The following LRMDA variants were observed in gnomAD, a reference collection of about 807,000 sequenced individuals.
LRMDA encodes the protein leucine rich melanocyte differentiation associated, also known as leucine-rich melanocyte differentiation-associated protein.
A neutral mutation model predicts 29.8 loss-of-function variants in LRMDA; 18 were observed. That is an observed-to-expected ratio of 0.60 (90% CI 0.42 to 0.90). LRMDA has a LOEUF of 0.90. Ranked by LOEUF, LRMDA falls within the 40% of genes least tolerant of loss-of-function variation. LRMDA has a pLI of 0.00. For synonymous variants in LRMDA, 125 were observed against 109.4 expected (o/e 1.14, Z -0.89); for missense variants, 273 against 273.9 (o/e 1.00, Z 0.02).
intron 2 of LRMDA, among the ~76,000 whole-genome samples, chr10:75,738,193 T>G (rs1307650962): frequency 3.3e-5 from 5 of 151,980 alleles, no homozygotes; most frequent in Non-Finnish European, 7.4e-5. Flanking sequence ...AATTTTGAGT[T>G]CCTTTCATGT....
intron 2 of LRMDA, among the ~76,000 whole-genome samples, chr10:75,985,197 TA>T: frequency 6.6e-6 from 1 of 152,046 alleles, no homozygotes; most frequent in East Asian, 1.9e-4. Flanking sequence ...GTAGGAAAAG[TA>T]AAGGGAAATG....
intron 4 of LRMDA, among the ~76,000 whole-genome samples, chr10:76,049,642 C>T (rs992185592): frequency 1.3e-5 from 2 of 152,172 alleles, no homozygotes; most frequent in African/African-American, 4.8e-5. Context: ...CTTTGTCCTT[C>T]CTCGAGTTTG....
chr10:75,956,748 G>A (rs1056291541), intron 2 of LRMDA, among the ~76,000 whole-genome samples: 1 of 152,204 alleles, frequency 6.6e-6, no homozygotes, highest in Non-Finnish European at 1.5e-5. Context: ...GGGAAGAAGG[G>A]AGGCAGCATG....
intron 2 of LRMDA, among the ~76,000 whole-genome samples, chr10:75,986,725 G>GA (rs1847268085): frequency 6.6e-6 from 1 of 152,200 alleles, no homozygotes; most frequent in African/African-American, 2.4e-5. Context: ...GTTTCCCCAG[G>GA]CCTAGGCCAC....
chr10:76,429,041 A>ACACACACACAC (rs1554820441), intron 6 of LRMDA, among the ~76,000 whole-genome samples: 5 of 64,034 alleles, frequency 7.8e-5, no homozygotes, highest in South Asian at 5.3e-4. Flanking sequence ...CACACACACA[A>ACACACACACAC]ACACACACAC....
chr10:76,462,361 A>T (rs1202185025), intron 6 of LRMDA, among the ~76,000 whole-genome samples: 1 of 152,176 alleles, frequency 6.6e-6, no homozygotes, highest in East Asian at 1.9e-4. Flanking sequence ...AAAAAAACAG[A>T]TAAGTAGAAT....
chr10:75,437,610 C>G (rs1017750620), intron 1 of LRMDA, among the ~76,000 whole-genome samples: 2 of 152,222 alleles, frequency 1.3e-5, no homozygotes, highest in African/African-American at 4.8e-5. Context: ...AGAAAGTCCA[C>G]TGACCTTCTC....
intron 5 of LRMDA, among the ~76,000 whole-genome samples, chr10:76,166,249 T>G (rs769182476): frequency 6.6e-6 from 1 of 152,246 alleles, no homozygotes; most frequent in African/African-American, 2.4e-5. Context: ...GGCCTCCTTT[T>G]GGACATTTTC....
intron 5 of LRMDA, among the ~76,000 whole-genome samples, chr10:76,123,310 C>A (rs1038453160): frequency 6.6e-6 from 1 of 150,782 alleles, no homozygotes; most frequent in Non-Finnish European, 1.5e-5. Context: ...TTTGAGACCA[C>A]CCTGGGTAAT....
chr10:75,976,212 G>C (rs1433806745), intron 2 of LRMDA, among the ~76,000 whole-genome samples: 1 of 152,196 alleles, frequency 6.6e-6, no homozygotes, highest in Middle Eastern at 3.2e-3. Flanking sequence ...CAGGCCCCTT[G>C]GCCTTGTGTG....
chr10:76,071,071 A>G (rs544678176), intron 5 of LRMDA, among the ~76,000 whole-genome samples: 3 of 152,296 alleles, frequency 2.0e-5, no homozygotes, highest in South Asian at 4.1e-4. Context: ...AAGCTCTTTC[A>G]TTTGAGTGAC....
At chr10:75,798,424 A>G (rs537492206) in intron 2 of LRMDA, among the ~76,000 whole-genome samples, 14 of 152,236 alleles carry the variant, frequency 9.2e-5, no homozygotes, top group African/African-American at 3.4e-4. Flanking sequence ...AAGTTTATCA[A>G]TATTATTAAT....
chr10:75,534,129 A>C (rs572479045), intron 2 of LRMDA, among the ~76,000 whole-genome samples: 1 of 152,206 alleles, frequency 6.6e-6, no homozygotes, highest in Non-Finnish European at 1.5e-5. Flanking sequence ...CACATGTAGC[A>C]TAAGTTAGGT....
At chr10:75,853,433 G>GGTGTGTGT (rs3042495) in intron 2 of LRMDA, among the ~76,000 whole-genome samples, 16,059 of 147,478 alleles carry the variant, frequency 0.11, 1,051 homozygotes, top group Admixed American at 0.16. Context: ...AAAGAAGAGG[G>GGTGTGTGT]GTGTGTGTGT....
chr10:75,538,629 G>C (rs1245999789), intron 2 of LRMDA, among the ~76,000 whole-genome samples: 3 of 148,044 alleles, frequency 2.0e-5, no homozygotes, highest in African/African-American at 7.6e-5. Context: ...TTGTTTGTTT[G>C]TTTTGTGTTT....
At chr10:75,485,474 G>A (rs977593806) in intron 2 of LRMDA, among the ~76,000 whole-genome samples, 1 of 152,064 alleles carries the variant, frequency 6.6e-6, no homozygotes, top group South Asian at 2.1e-4. Flanking sequence ...TCAGCTTACT[G>A]CAACCTCCAC....
chr10:76,377,937 C>T (rs547758346), intron 6 of LRMDA, among the ~76,000 whole-genome samples: 20 of 152,000 alleles, frequency 1.3e-4, no homozygotes, highest in South Asian at 8.3e-4. Context: ...GATTCGGATT[C>T]GATAGGAATT....
At chr10:76,317,437 G>A (rs1840714151) in intron 5 of LRMDA, among the ~76,000 whole-genome samples, 1 of 151,890 alleles carries the variant, frequency 6.6e-6, no homozygotes, top group African/African-American at 2.4e-5. Context: ...AATATTTGAT[G>A]GACTAGGCAT....
At chr10:76,253,157 G>A (rs1318505120) in intron 5 of LRMDA, among the ~76,000 whole-genome samples, 2 of 152,108 alleles carry the variant, frequency 1.3e-5, no homozygotes, top group African/African-American at 4.8e-5. Context: ...AGATCTAAGT[G>A]GGTACTTTTG....
Sources: allele counts gnomAD v4.1 joint callset (sites outside exome capture counted in the v4.1 genomes callset), GRCh38; gene constraint gnomAD v4.1.1; transcripts MANE v1.5; gene names NCBI Gene and HGNC (gene_info 2026-07-23, HGNC 2026-07-21).